Variants in RNF220 observed in about 807,000 individuals in gnomAD.
RNF220 encodes ring finger protein 220.
In RNF220, 7 loss-of-function variants were observed where a neutral mutation model predicts 67.1. The observed-to-expected ratio is 0.10, with a 90% confidence interval of 0.06 to 0.20. RNF220 has a LOEUF of 0.20. Ranked by LOEUF, RNF220 falls within the 10% of genes least tolerant of loss-of-function variation. RNF220 has a pLI of 1.00. For missense variants in RNF220, 565 were observed against 740.3 expected, an observed-to-expected ratio of 0.76 and a Z score of 2.75; for synonymous variants, 270 against 283.2, an observed-to-expected ratio of 0.95 and a Z score of 0.47.
chr1:44,494,549 C>A (rs192665456), intron 2 of RNF220, among the ~76,000 whole-genome samples: 1 of 151,432 alleles, frequency 6.6e-6, no homozygotes, highest in African/African-American at 2.4e-5. Context: ...AATGAGACAG[C>A]TGTTTAGATT....
chr1:44,533,468 C>T (rs1410477328), intron 2 of RNF220, among the ~76,000 whole-genome samples: 1 of 152,178 alleles, frequency 6.6e-6, no homozygotes, highest in South Asian at 2.1e-4. Flanking sequence ...GCCTGGGCAA[C>T]AGAGTGAGAC....
At chr1:44,425,467 A>T (rs1288708820) in intron 2 of RNF220, among the ~76,000 whole-genome samples, 1 of 152,040 alleles carries the variant, frequency 6.6e-6, no homozygotes, top group Non-Finnish European at 1.5e-5. Flanking sequence ...AGCTGGCTCT[A>T]CTCACTTGGA....
At chr1:44,463,393 A>G (rs1412655238) in intron 2 of RNF220, among the ~76,000 whole-genome samples, 2 of 152,238 alleles carry the variant, frequency 1.3e-5, no homozygotes, top group Admixed American at 1.3e-4. Flanking sequence ...AAGTGTATCA[A>G]TTAATTTAAA....
At chr1:44,427,836 CA>C (rs1205308791) in intron 2 of RNF220, among the ~76,000 whole-genome samples, 1 of 152,138 alleles carries the variant, frequency 6.6e-6, no homozygotes, top group African/African-American at 2.4e-5. Context: ...AGTATGCCTT[CA>C]ATAAATGTTA....
intron 2 of RNF220, among the ~76,000 whole-genome samples, chr1:44,532,454 A>T (rs1286773717): frequency 1.3e-5 from 2 of 152,148 alleles, no homozygotes; most frequent in African/African-American, 4.8e-5. Context: ...CTTCAGACAT[A>T]TGTGTATTTT....
chr1:44,523,853 A>T (rs980240430), intron 2 of RNF220, among the ~76,000 whole-genome samples: 2 of 152,244 alleles, frequency 1.3e-5, no homozygotes, highest in African/African-American at 4.8e-5. Context: ...CCTGAGACAT[A>T]GCTGCAGGTG....
intron 2 of RNF220, among the ~76,000 whole-genome samples, chr1:44,599,193 T>A (rs559519386): frequency 7.9e-5 from 12 of 151,844 alleles, no homozygotes; most frequent in Admixed American, 5.2e-4. Context: ...AGTAAAAAAA[T>A]TAAATAAATA....
chr1:44,505,783 G>A (rs1557991943), intron 2 of RNF220, among the ~76,000 whole-genome samples: 2 of 152,172 alleles, frequency 1.3e-5, no homozygotes, highest in African/African-American at 2.4e-5. Flanking sequence ...AATGCAGAGA[G>A]CAAATTGAAG....
At chr1:44,463,787 G>A (rs1396534511) in intron 2 of RNF220, among the ~76,000 whole-genome samples, 2 of 152,152 alleles carry the variant, frequency 1.3e-5, no homozygotes, top group Non-Finnish European at 2.9e-5. Flanking sequence ...GGAGCTGAGA[G>A]CCACTCCCTT....
intron 2 of RNF220, among the ~76,000 whole-genome samples, chr1:44,503,203 A>G (rs533815971): frequency 2.6e-5 from 4 of 151,962 alleles, no homozygotes; most frequent in Non-Finnish European, 4.4e-5. Flanking sequence ...GTATGGTGGC[A>G]CATGCCTGTA....
chr1:44,412,347 G>A lies in RNF220; in HGVS notation c.250G>A (p.Ala84Thr), dbSNP rs1417278757. ...GCAAGGTGGGGTGCCAGGCACTTTT[G>A]CCAATCGTGATTTCCCCCCTTCTCT... ...HRQGGVPGTF[A>T]NRDFPPSLLH... The change falls in exon 2 of 15, where the codon GCC becomes ACC. Residue 84 changes from alanine to threonine, a missense_variant. Physicochemically the swap from Ala to Thr is moderately conservative, Grantham distance 58 (BLOSUM62 0). Coordinates refer to ENST00000361799, the MANE Select transcript of RNF220 (RefSeq NM_018150.4). This position sits in a 1 kb window ranked among gnomAD's most constrained non-coding sequence, Gnocchi z 5.3. 1.2e-6 allele frequency: 2 copies of A among 1,614,104 alleles called. No homozygotes were observed. The highest frequency in any genetic ancestry group is 3.3e-5 in the Admixed American group (2 of 60,012).
At chr1:44,458,410 C>T (rs1162646728) in intron 2 of RNF220, among the ~76,000 whole-genome samples, 1 of 151,048 alleles carries the variant, frequency 6.6e-6, no homozygotes, top group South Asian at 2.1e-4. Flanking sequence ...GGTTCAAATC[C>T]TGGATGTACC....
chr1:44,484,013 G>A (rs1442903666), intron 2 of RNF220, among the ~76,000 whole-genome samples: 1 of 152,156 alleles, frequency 6.6e-6, no homozygotes, highest in Non-Finnish European at 1.5e-5. Context: ...CAAAATCTGG[G>A]AATAACTGTT....
intron 2 of RNF220, among the ~76,000 whole-genome samples, chr1:44,477,154 A>G (rs750576063): frequency 1.3e-5 from 2 of 152,244 alleles, no homozygotes; most frequent in Non-Finnish European, 2.9e-5. Flanking sequence ...TATGAAGTTC[A>G]TTCACTCACT....
At chr1:44,413,788 A>C (rs1015157177) in intron 2 of RNF220, among the ~76,000 whole-genome samples, 4 of 151,832 alleles carry the variant, frequency 2.6e-5, no homozygotes, top group Admixed American at 2.6e-4. Context: ...CACCAACACG[A>C]ATACCATTTT....
intron 2 of RNF220, among the ~76,000 whole-genome samples, chr1:44,599,898 T>C (rs1005159827): frequency 5.3e-5 from 8 of 152,102 alleles, no homozygotes; most frequent in Non-Finnish European, 2.9e-5. Context: ...AGGATCTGAT[T>C]TGTGTTTTAG....
At chr1:44,541,536 T>C (rs1661675380) in intron 2 of RNF220, among the ~76,000 whole-genome samples, 1 of 152,228 alleles carries the variant, frequency 6.6e-6, no homozygotes, top group Non-Finnish European at 1.5e-5. Context: ...CGTACCACAT[T>C]GTCTCCTAAA....
chr1:44,452,625 T>A (rs1157739877), intron 2 of RNF220, among the ~76,000 whole-genome samples: 4 of 152,096 alleles, frequency 2.6e-5, no homozygotes, highest in Non-Finnish European at 5.9e-5. Context: ...CCTTCTTTTT[T>A]ATTTTATTTT....
intron 2 of RNF220, among the ~76,000 whole-genome samples, chr1:44,611,536 C>T (rs272549): frequency 0.91 from 138,684 of 152,166 alleles, 63,549 homozygotes; most frequent in Non-Finnish European, 0.96. Context: ...CCCTTCAGAC[C>T]CCAGTCCCTG....
Sources: gnomAD v4.1 joint callset for allele counts (sites outside exome capture counted in the v4.1 genomes callset) on GRCh38, gnomAD v4.1.1 for gene constraint, Gnocchi (gnomAD v3.1) non-coding constraint, MANE v1.5 for transcripts, NCBI Gene and HGNC (gene_info 2026-07-23, HGNC 2026-07-21) for gene names.